The following SGCZ variants were observed in gnomAD, a reference collection of about 807,000 sequenced individuals.
SGCZ encodes the protein zeta-sarcoglycan.
SGCZ carries 40 observed loss-of-function variants against 41.3 expected under a neutral mutation model. The observed-to-expected ratio is 0.97, with a 90% CI of 0.75 to 1.26. The LOEUF is 1.26. Among genes scored for constraint, SGCZ ranks in the 50% most tolerant of loss-of-function variants. The pLI is 0.00. For missense variants in SGCZ, 552 were observed against 369.8 expected (o/e 1.49, Z -4.04); for synonymous variants, 206 against 137.5 (o/e 1.50, Z -3.49).
At chr8:14,322,778 T>G (rs1801969718) in intron 3 of SGCZ, among the ~76,000 whole-genome samples, 1 of 152,120 alleles carries the variant, frequency 6.6e-6, no homozygotes, top group Non-Finnish European at 1.5e-5. Flanking sequence ...TGTATAAGTT[T>G]TCATTCCTTC....
intron 1 of SGCZ, among the ~76,000 whole-genome samples, chr8:15,186,004 C>T (rs1198208177): frequency 6.6e-6 from 1 of 150,858 alleles, no homozygotes; most frequent in East Asian, 2.0e-4. Flanking sequence ...GTGGGCAGAT[C>T]ACGAGGTCAG....
At chr8:15,190,851 G>C (rs1176534521) in intron 1 of SGCZ, among the ~76,000 whole-genome samples, 1 of 151,948 alleles carries the variant, frequency 6.6e-6, no homozygotes, top group Non-Finnish European at 1.5e-5. Flanking sequence ...GCAGCTAAAT[G>C]ACTACTCCTT....
rs1800869227 is a variant in SGCZ, at chr8:14,460,441, G to C, written c.234+94291C>G. Among the ~76,000 whole-genome samples, 5 of 152,268 alleles carry C rather than the reference G, an allele frequency of 3.3e-5. 1 individual carries two copies. In the South Asian group the frequency reaches 1.0e-3, roughly 32 times the overall value. ...GAAATTGTATATTAACTGGAGAGCA[G>C]TTTTCACTGGGTGTCAGTGCTCACT... On this transcript the variant is annotated intron_variant, in intron 2 of 7. Coordinates refer to ENST00000382080, the MANE Select transcript of SGCZ (RefSeq NM_139167.4).
At chr8:14,909,744 G>A (rs2130774807) in intron 1 of SGCZ, among the ~76,000 whole-genome samples, 1 of 152,138 alleles carries the variant, frequency 6.6e-6, no homozygotes, top group Non-Finnish European at 1.5e-5. Context: ...TGTTTATTCA[G>A]CTATTTAAAA....
At chr8:15,092,281 C>T (rs905299228) in intron 1 of SGCZ, among the ~76,000 whole-genome samples, 2 of 152,086 alleles carry the variant, frequency 1.3e-5, no homozygotes, top group Non-Finnish European at 2.9e-5. Context: ...TCTTAACATG[C>T]CAGAATTCTA....
At chr8:14,760,946 G>T (rs1432734725) in intron 1 of SGCZ, among the ~76,000 whole-genome samples, 1 of 152,202 alleles carries the variant, frequency 6.6e-6, no homozygotes, top group Non-Finnish European at 1.5e-5. Context: ...TTGGGTGAAT[G>T]TGGGTTCAAA....
At chr8:14,910,564 C>T (rs896492117) in intron 1 of SGCZ, among the ~76,000 whole-genome samples, 2 of 151,814 alleles carry the variant, frequency 1.3e-5, no homozygotes, top group South Asian at 2.1e-4. Flanking sequence ...TTTTTCTTAA[C>T]ATTAATATTT....
At chr8:14,534,598 C>A (rs1803238183) in intron 2 of SGCZ, among the ~76,000 whole-genome samples, 1 of 151,810 alleles carries the variant, frequency 6.6e-6, no homozygotes, top group African/African-American at 2.4e-5. Flanking sequence ...GGACAGGAGA[C>A]CGTTGAGCAA....
chr8:14,815,795 G>A (rs1157014162), intron 1 of SGCZ, among the ~76,000 whole-genome samples: 1 of 152,186 alleles, frequency 6.6e-6, no homozygotes, highest in Non-Finnish European at 1.5e-5. Flanking sequence ...GATGTTATCT[G>A]TGGTATTATG....
intron 5 of SGCZ, among the ~76,000 whole-genome samples, chr8:14,162,002 C>T (rs1804062229): frequency 1.3e-5 from 2 of 152,164 alleles, no homozygotes; most frequent in South Asian, 4.2e-4. Context: ...TGCCTTAAGG[C>T]ACTGAATTAA....
intron 1 of SGCZ, among the ~76,000 whole-genome samples, chr8:14,894,610 C>T (rs1221274475): frequency 2.6e-5 from 4 of 151,956 alleles, no homozygotes; most frequent in Non-Finnish European, 4.4e-5. Context: ...TTTCATACCC[C>T]GAGGAAGAAA....
chr8:14,252,071 C>A (rs1429473597), intron 3 of SGCZ, among the ~76,000 whole-genome samples: 1 of 152,084 alleles, frequency 6.6e-6, no homozygotes, highest in Non-Finnish European at 1.5e-5. Flanking sequence ...AATAGGGCCT[C>A]TTCTTCATTC....
At chr8:15,037,239 A>G (rs1337837412) in intron 1 of SGCZ, among the ~76,000 whole-genome samples, 2 of 152,142 alleles carry the variant, frequency 1.3e-5, no homozygotes, top group Non-Finnish European at 2.9e-5. Flanking sequence ...GGTTACCCCC[A>G]TGCTAATCTC....
At chr8:15,219,963 C>CAGAT (rs1428465480) in intron 1 of SGCZ, among the ~76,000 whole-genome samples, 2 of 152,082 alleles carry the variant, frequency 1.3e-5, no homozygotes, top group African/African-American at 4.8e-5. Context: ...TAGAGAAAAG[C>CAGAT]AGATACTCAT....
At chr8:15,158,049 C>G (rs1022183002) in intron 1 of SGCZ, among the ~76,000 whole-genome samples, 1 of 152,232 alleles carries the variant, frequency 6.6e-6, no homozygotes, top group Admixed American at 6.5e-5. Context: ...TCACCACCCC[C>G]TTTCCTTTGG....
chr8:15,178,483 G>A (rs1800065878), intron 1 of SGCZ, among the ~76,000 whole-genome samples: 1 of 152,124 alleles, frequency 6.6e-6, no homozygotes, highest in Non-Finnish European at 1.5e-5. Flanking sequence ...TCAGAGCATG[G>A]TAATAACACA....
intron 1 of SGCZ, among the ~76,000 whole-genome samples, chr8:14,753,749 C>G (rs1459638726): frequency 6.6e-6 from 1 of 152,186 alleles, no homozygotes; most frequent in African/African-American, 2.4e-5. Context: ...ATTCTGTGAG[C>G]TCTTTCCCTT....
chr8:14,667,899 C>A (rs1807962486), intron 1 of SGCZ, among the ~76,000 whole-genome samples: 1 of 152,098 alleles, frequency 6.6e-6, no homozygotes, highest in African/African-American at 2.4e-5. Context: ...TCTTAGATAC[C>A]TAGAGTTTAC....
At chr8:14,860,521 AGAAAGAAGGAAAGAAT>A (rs1216339624) in intron 1 of SGCZ, among the ~76,000 whole-genome samples, 44 of 151,604 alleles carry the variant, frequency 2.9e-4, no homozygotes, top group Non-Finnish European at 5.9e-4. Flanking sequence ...GAATGAAAAG[AGAAAGAAGGAAAGAAT>A]GAAAGAAAGA....
Sources: gnomAD v4.1 joint callset for allele counts (sites outside exome capture counted in the v4.1 genomes callset) on GRCh38, gnomAD v4.1.1 for gene constraint, MANE v1.5 for transcripts, NCBI Gene and HGNC (gene_info 2026-07-23, HGNC 2026-07-21) for gene names.